The following RPA1 variants were observed in gnomAD, a reference collection of about 807,000 sequenced individuals.
RPA1 encodes the protein replication protein A 70 kDa DNA-binding subunit.
A neutral mutation model predicts 83.0 loss-of-function variants in RPA1; 49 were observed. That is an observed-to-expected ratio of 0.59 (90% CI 0.47 to 0.75). The LOEUF (loss-of-function observed/expected upper bound fraction) is 0.75. Among genes scored for constraint, RPA1 ranks in the 30% least tolerant of loss-of-function variants. The probability of loss-of-function intolerance (pLI) is 0.00; values close to 1 mark genes in which losing one functional copy is unlikely to be tolerated. For synonymous variants in RPA1, 279 were observed against 281.8 expected, an observed-to-expected ratio of 0.99 and a Z score of 0.10; for missense variants, 693 against 776.1, an observed-to-expected ratio of 0.89 and a Z score of 1.27.
intron 1 of RPA1, among the ~76,000 whole-genome samples, chr17:1,832,858 T>C (rs1054946384): frequency 6.6e-6 from 1 of 152,234 alleles, no homozygotes; most frequent in Non-Finnish European, 1.5e-5. Flanking sequence ...TTATGTTACC[T>C]ATTAATAATT....
chr17:1,896,935 T>A, intron 16 of RPA1, 136 bp from the exon 17 acceptor site: 2 of 723,720 alleles, frequency 2.8e-6, no homozygotes, highest in Non-Finnish European at 2.5e-6. Flanking sequence ...AGGCTGTCAC[T>A]CACTGGAATG....
intron 12 of RPA1, 88 bp from the exon 13 acceptor site, chr17:1,883,724 T>G: frequency 6.3e-7 from 1 of 1,575,456 alleles, no homozygotes; most frequent in Non-Finnish European, 8.7e-7. Flanking sequence ...GGGAAACCTG[T>G]GTCTGTCGCG....
chr17:1,875,871 G>A, intron 7 of RPA1, 78 bp downstream of exon 7: 1 of 1,419,388 alleles, frequency 7.0e-7, no homozygotes, highest in Non-Finnish European at 9.4e-7. Context: ...AGTTATTTAT[G>A]CGTGAACTTC....
chr17:1,842,753 C>T, intron 1 of RPA1, 50 bp from the exon 2 acceptor site: 2 of 1,502,308 alleles, frequency 1.3e-6, no homozygotes, highest in Non-Finnish European at 1.9e-6. Context: ...ATGTCATTTT[C>T]ATCATGATTT....
intron 5 of RPA1, chr17:1,858,398 G>C: frequency 6.3e-7 from 1 of 1,591,228 alleles, no homozygotes; most frequent in Admixed American, 1.7e-5. Flanking sequence ...GGGCTAAAGT[G>C]GGCTCGGAGG....
At chr17:1,839,959 C>CT (rs1242530706) in intron 1 of RPA1, among the ~76,000 whole-genome samples, 1 of 150,626 alleles carries the variant, frequency 6.6e-6, no homozygotes, top group African/African-American at 2.4e-5. Flanking sequence ...CACCCAACTA[C>CT]TTTTTGTATT....
At chr17:1,875,329 T>C (rs923221505) in intron 6 of RPA1, among the ~76,000 whole-genome samples, 9 of 152,230 alleles carry the variant, frequency 5.9e-5, no homozygotes, top group African/African-American at 1.9e-4. Context: ...ATCTTGCCCG[T>C]TGAGGCAAGA....
chr17:1,883,790 C>T (rs1414976868), intron 12 of RPA1, 22 bp from the exon 13 acceptor site: 7 of 1,613,824 alleles, frequency 4.3e-6, no homozygotes, highest in East Asian at 2.2e-5. Flanking sequence ...CGCTCGTCAT[C>T]GTTATTCGTT....
At chr17:1,863,326 C>A (rs1351590358) in intron 5 of RPA1, among the ~76,000 whole-genome samples, 1 of 151,992 alleles carries the variant, frequency 6.6e-6, no homozygotes, top group Non-Finnish European at 1.5e-5. Flanking sequence ...ATTCTCCTGC[C>A]TCAGCCTCCC....
intron 8 of RPA1, 127 bp downstream of exon 8, chr17:1,877,441 G>A (rs994309675): frequency 3.0e-5 from 22 of 742,700 alleles, no homozygotes; most frequent in African/African-American, 2.3e-4. Flanking sequence ...CAGTGGGCTC[G>A]CCGAGAAACA....
At chr17:1,892,299 C>A (rs909106595) in intron 15 of RPA1, among the ~76,000 whole-genome samples, 1 of 152,226 alleles carries the variant, frequency 6.6e-6, no homozygotes, top group Admixed American at 6.5e-5. Context: ...GCCACCACAC[C>A]TTGCCCAACA....
intron 13 of RPA1, 99 bp from the exon 14 acceptor site, chr17:1,888,576 C>A: frequency 8.5e-7 from 1 of 1,182,336 alleles, no homozygotes. Flanking sequence ...TGTAGAAACA[C>A]TTACCACCTA....
At chr17:1,838,254 G>A (rs1911898493) in intron 1 of RPA1, among the ~76,000 whole-genome samples, 1 of 151,896 alleles carries the variant, frequency 6.6e-6, no homozygotes, top group Admixed American at 6.6e-5. Flanking sequence ...TCGCACCACT[G>A]CACTCCAGCC....
Position 1,878,909 on chromosome 17 carries a change from C to T in RPA1, c.691-84C>T, listed in dbSNP as rs1377736673. 7 of 1,345,938 alleles carry T rather than the reference C, an allele frequency of 5.2e-6. No individual in the cohort carries two copies. The East Asian group carries it at 1.4e-4, about 26-fold the overall frequency. 83.4% of individuals were successfully genotyped at this position (1,345,938 alleles called of 1,614,324 possible). A position where few individuals can be genotyped will look rare whatever the true frequency, so the allele number is the denominator to read the frequency against. On this transcript the variant is annotated intron_variant, in intron 8 of 16. Coordinates refer to ENST00000254719, the MANE Select transcript of RPA1 (RefSeq NM_002945.5). ...GATGTCACTTTGGTGCTAGGGTGGC[C>T]TGTGTTCTATCCCAGTGTCACTTGG...
intron 6 of RPA1, among the ~76,000 whole-genome samples, chr17:1,873,278 G>C (rs17338774): frequency 1.3e-5 from 2 of 152,180 alleles, no homozygotes; most frequent in Admixed American, 6.5e-5. Flanking sequence ...GATGAGAAAT[G>C]GTTTCTTCAT....
In RPA1 at chr17:1,880,686, T is replaced by G. The variant is rs1225311118; in HGVS notation, c.1236T>G (p.Arg412=). The G allele has an allele frequency of 6.2e-7, 1 of 1,613,126 alleles. No homozygotes were observed. The highest frequency in any genetic ancestry group is 8.5e-7 in the Non-Finnish European group (1 of 1,179,944). The part of the protein sequence containing the change: ...NPDIPEAYKL[R]GWFDAEGQAL... ...ACATCCCAGAGGCCTATAAGCTTCG[T>G]GGATGGTAGGTTTTGTGGGGCTAAA... Residue 412 remains arginine, a synonymous_variant, in exon 12 of 17, where the codon CGT becomes CGG. Coordinates refer to ENST00000254719, the MANE Select transcript of RPA1 (RefSeq NM_002945.5).
At chr17:1,855,753 A>C (rs1912669006) in intron 5 of RPA1, among the ~76,000 whole-genome samples, 1 of 151,520 alleles carries the variant, frequency 6.6e-6, no homozygotes, top group Non-Finnish European at 1.5e-5. Context: ...GCAGCAGTTT[A>C]TGTAGACTTG....
chr17:1,837,855 A>G (rs1911882391), intron 1 of RPA1, among the ~76,000 whole-genome samples: 12 of 152,042 alleles, frequency 7.9e-5, no homozygotes, highest in Admixed American at 7.9e-4. Context: ...TTTTTTCCCA[A>G]TCTGTGACTT....
At chr17:1,832,549 G>C (rs1911660294) in intron 1 of RPA1, among the ~76,000 whole-genome samples, 1 of 151,654 alleles carries the variant, frequency 6.6e-6, no homozygotes, top group African/African-American at 2.4e-5. Context: ...ATGATGCCCG[G>C]CTAATTTTTG....
Sources: allele counts gnomAD v4.1 joint callset (sites outside exome capture counted in the v4.1 genomes callset), GRCh38; gene constraint gnomAD v4.1.1; transcripts MANE v1.5; gene names NCBI Gene and HGNC (gene_info 2026-07-23, HGNC 2026-07-21).